PTBP3: variants seen among roughly 807,000 people sequenced by gnomAD.
The protein encoded by PTBP3 is polypyrimidine tract binding protein 3, also known as polypyrimidine tract-binding protein 3.
Under a neutral mutation model 58.7 loss-of-function variants are expected in PTBP3, and 20 were observed. That is an observed-to-expected ratio of 0.34 (90% CI 0.24 to 0.50). The LOEUF (loss-of-function observed/expected upper bound fraction) is 0.50. Among genes scored for constraint, PTBP3 ranks in the 20% least tolerant of loss-of-function variants. The pLI, the probability that PTBP3 is intolerant of heterozygous loss-of-function variation, is 0.98. For missense variants in PTBP3, 509 were observed against 637.2 expected, an observed-to-expected ratio of 0.80 and a Z score of 2.17; for synonymous variants, 185 against 219.8, an observed-to-expected ratio of 0.84 and a Z score of 1.40.
At chr9:112,238,971 G>A (rs1421346941) in intron 7 of PTBP3, among the ~76,000 whole-genome samples, 1 of 152,158 alleles carries the variant, frequency 6.6e-6, no homozygotes, top group East Asian at 1.9e-4. Flanking sequence ...AAGAAGGAAT[G>A]AAAAGCCTAA....
the PTBP3 span, among the ~76,000 whole-genome samples, chr9:112,343,660 G>T: frequency 6.6e-6 from 1 of 151,570 alleles, no homozygotes; most frequent in South Asian, 2.1e-4. Context: ...GTGTGGTGGT[G>T]GCGCCTGTAA....
At chr9:112,301,831 G>A (rs544902634) in intron 1 of PTBP3, among the ~76,000 whole-genome samples, 45 of 152,250 alleles carry the variant, frequency 3.0e-4, no homozygotes, top group Middle Eastern at 3.4e-3. Flanking sequence ...GGGCACACAG[G>A]ACCTTTCTGT....
intron 1 of PTBP3, among the ~76,000 whole-genome samples, chr9:112,332,483 T>C (rs148247668): frequency 3.3e-5 from 5 of 152,264 alleles, no homozygotes; most frequent in Admixed American, 6.5e-5. Flanking sequence ...AATCTTGTCA[T>C]CAAAAGTAGG....
intron 5 of PTBP3, among the ~76,000 whole-genome samples, chr9:112,255,587 C>T (rs187284829): frequency 6.1e-4 from 93 of 152,212 alleles, no homozygotes; most frequent in Middle Eastern, 3.4e-3. Flanking sequence ...TATATTTTCC[C>T]GTACTGAAAA....
chr9:112,239,888 A>C (rs1000620879), intron 7 of PTBP3, among the ~76,000 whole-genome samples: 1 of 141,588 alleles, frequency 7.1e-6, no homozygotes, highest in Admixed American at 7.1e-5. Flanking sequence ...GGAGGCAAGG[A>C]AGGATCGATC....
rs574687721 is a variant in PTBP3, at chr9:112,222,412, A to C, written c.*1439T>G. ...AATGAAAGTCACATTAACAAAGAAA[A>C]GCAAGTTCTCGCTTGAGGACTGAGA... On this transcript the variant is annotated 3_prime_UTR_variant, in exon 14 of 14. Coordinates refer to ENST00000374257, the MANE Select transcript of PTBP3 (RefSeq NM_001163788.4). 2.0e-6 allele frequency: 2 copies of C among 985,672 alleles called. No homozygotes were observed. Among genetic ancestry groups the C allele is most frequent in the African/African-American group, 3.5e-5 (2 of 57,370 alleles). 61.1% of individuals were successfully genotyped at this position (985,672 alleles called of 1,614,324 possible).
chr9:112,239,259 C>T (rs1462031872), intron 7 of PTBP3, among the ~76,000 whole-genome samples: 1 of 152,184 alleles, frequency 6.6e-6, no homozygotes, highest in African/African-American at 2.4e-5. Context: ...AACATTTATT[C>T]AGCAAATATT....
In PTBP3 at chr9:112,333,540, G is replaced by A; in HGVS notation, c.-122C>T. ...GGCTAACCGCGAGCAGAGGAAGCAG[G>A]CGGCGGCAGCAGGGCGGTTCCGGGG... On this transcript the variant is annotated 5_prime_UTR_variant, in exon 1 of 14. Transcript: ENST00000374257. 13 of 1,556,598 alleles carry A rather than the reference G, an allele frequency of 8.4e-6. No homozygotes were observed. In the South Asian group the frequency reaches 1.4e-4, roughly 17 times the overall value.
intron 1 of PTBP3, chr9:112,332,829 G>A (rs1468044809): frequency 1.2e-6 from 2 of 1,612,214 alleles, no homozygotes; most frequent in Non-Finnish European, 1.7e-6. Flanking sequence ...AGAAAGGTGA[G>A]GGGGAAGCGT....
intron 1 of PTBP3, among the ~76,000 whole-genome samples, chr9:112,319,868 T>A (rs1004115221): frequency 1.3e-5 from 2 of 152,146 alleles, no homozygotes; most frequent in African/African-American, 4.8e-5. Flanking sequence ...AATCCTGTCA[T>A]GAGACAACAT....
chr9:112,230,921 T>C (rs1005202374), intron 10 of PTBP3, among the ~76,000 whole-genome samples: 3 of 152,192 alleles, frequency 2.0e-5, no homozygotes, highest in African/African-American at 7.2e-5. Flanking sequence ...AAAAACCAAA[T>C]TCCTTAACAA....
At chr9:112,312,494 T>TTTG (rs1829527407) in intron 1 of PTBP3, among the ~76,000 whole-genome samples, 1 of 146,732 alleles carries the variant, frequency 6.8e-6, no homozygotes, top group South Asian at 2.2e-4. Context: ...TTTTGTTTTT[T>TTTG]TTTTTTAAAA....
chr9:112,229,550 A>G (rs985112643), intron 10 of PTBP3, among the ~76,000 whole-genome samples: 9 of 138,736 alleles, frequency 6.5e-5, no homozygotes, highest in African/African-American at 2.2e-4. Flanking sequence ...GGGCAACAGA[A>G]TAAGACCCTG....
At chr9:112,274,609 C>A (rs1030895052) in intron 3 of PTBP3, among the ~76,000 whole-genome samples, 3 of 152,168 alleles carry the variant, frequency 2.0e-5, no homozygotes, top group African/African-American at 7.2e-5. Context: ...TTAAGAATAA[C>A]CTGTTACCTT....
chr9:112,219,711 T>C lies in PTBP3; in HGVS notation c.*4140A>G, dbSNP rs1412871987. On this transcript the variant is annotated 3_prime_UTR_variant, in exon 14 of 14. Coordinates refer to ENST00000374257, the MANE Select transcript of PTBP3 (RefSeq NM_001163788.4). ...TTAAAACTATATAGTACATATTTCCTGAAAACCAGAATACTGATACTACTT... is the reference window on the plus strand; with the variant it reads ...TTAAAACTATATAGTACATATTTCCCGAAAACCAGAATACTGATACTACTT... 6.5e-6 allele frequency: 1 copy of C among 152,808 alleles called. No homozygotes were observed. Among genetic ancestry groups the C allele is most frequent in the Non-Finnish European group, 1.5e-5 (1 of 68,170 alleles). 9.5% of individuals were successfully genotyped at this position (152,808 alleles called of 1,614,324 possible).
At chr9:112,371,054 T>C in the PTBP3 span, among the ~76,000 whole-genome samples, 30 of 152,336 alleles carry the variant, frequency 2.0e-4, no homozygotes, top group East Asian at 5.8e-3. Context: ...TAAGATCATG[T>C]CATCTGCAAG....
chr9:112,333,908 C>T (rs1286469057), upstream of PTBP3, among the ~76,000 whole-genome samples: 1 of 148,338 alleles, frequency 6.7e-6, no homozygotes, highest in Admixed American at 6.7e-5. Flanking sequence ...GAGCGCGCGC[C>T]TTGTGCTTCC....
At chr9:112,236,326 T>C (rs1319968404) in intron 7 of PTBP3, among the ~76,000 whole-genome samples, 1 of 152,098 alleles carries the variant, frequency 6.6e-6, no homozygotes, top group Non-Finnish European at 1.5e-5. Context: ...ATTTAACAAA[T>C]ACATGTTGAG....
chr9:112,327,803 A>G (rs1297721946), intron 1 of PTBP3, among the ~76,000 whole-genome samples: 4 of 151,842 alleles, frequency 2.6e-5, no homozygotes, highest in African/African-American at 4.8e-5. Flanking sequence ...ATAGAGGAAA[A>G]AAAAAAAAAC....
Sources: gnomAD v4.1 joint callset for allele counts (sites outside exome capture counted in the v4.1 genomes callset) on GRCh38, gnomAD v4.1.1 for gene constraint, MANE v1.5 for transcripts, NCBI Gene and HGNC (gene_info 2026-07-23, HGNC 2026-07-21) for gene names.